Variants in ADH6 observed in about 807,000 individuals in gnomAD.
The protein encoded by ADH6 is alcohol dehydrogenase 6.
In ADH6, 34 loss-of-function variants were observed where a neutral mutation model predicts 36.5. The observed-to-expected ratio is 0.93, with a 90% CI of 0.71 to 1.24. The LOEUF (loss-of-function observed/expected upper bound fraction) is 1.24, where lower values mean the gene tolerates loss of function less well. Ranked by LOEUF, ADH6 falls within the 50% of genes most tolerant of loss-of-function variation. The pLI, the probability that ADH6 is intolerant of heterozygous loss-of-function variation, is 0.00. For missense variants in ADH6, 440 were observed against 447.0 expected (o/e 0.98, Z 0.14); for synonymous variants, 161 against 155.5 (o/e 1.04, Z -0.26).
chr4:99,210,100 A>G lies in ADH6; in HGVS notation c.549T>C (p.Ala183=). The G allele has an allele frequency of 6.2e-7, 1 of 1,613,682 alleles. No individual in the cohort carries two copies. Among genetic ancestry groups the G allele is most frequent in the Non-Finnish European group, 8.5e-7 (1 of 1,179,720 alleles). The change falls in exon 5 of 9, where the codon GCT becomes GCC. Residue 183 remains alanine, a synonymous_variant. Transcript: ENST00000394899. ...CCCTCACCTTGGCAGTATTGATTGCAGCACCAAACCCAGTGGAAAAGCCAC... is the reference window on the plus strand; with the variant it reads ...CCCTCACCTTGGCAGTATTGATTGCGGCACCAAACCCAGTGGAAAAGCCAC... The part of the protein sequence containing the change: ...ISCGFSTGFG[A]AINTAKVTPG...
chr4:99,209,295 G>GTCTCTC (rs149042936), intron 5 of ADH6, among the ~76,000 whole-genome samples: 44 of 147,958 alleles, frequency 3.0e-4, no homozygotes, highest in Non-Finnish European at 5.5e-4. Context: ...ATTTCTCTCT[G>GTCTCTC]TCTCTCTCTC....
In ADH6 at chr4:99,207,621, A is replaced by T. The variant is rs745306708; in HGVS notation, c.829-40T>A. The T allele has an allele frequency of 2.5e-6, 4 of 1,592,326 alleles. No individual in the cohort carries two copies. In the African/African-American group the frequency reaches 4.0e-5, roughly 16 times the overall value. The stretch of plus-strand genomic sequence containing the variant: ...TGCAATACAGTATAGGGGTTAAAAG[A>T]TGTATGTGAGGATTGAGCCTACATC... On this transcript the variant is annotated intron_variant, in intron 6 of 8. Coordinates refer to ENST00000394899, the MANE Select transcript of ADH6 (RefSeq NM_001102470.2).
intron 1 of ADH6, among the ~76,000 whole-genome samples, chr4:99,217,670 G>A (rs1484819017): frequency 6.6e-6 from 1 of 152,128 alleles, no homozygotes; most frequent in Non-Finnish European, 1.5e-5. Flanking sequence ...TAATAGTGCT[G>A]CAATAAACAG....
intron 2 of ADH6, 26 bp downstream of exon 2, chr4:99,216,135 A>ATTTTTTTTTTTT (rs34008565): frequency 2.4e-5 from 21 of 865,278 alleles, no homozygotes; most frequent in South Asian, 8.6e-5. Context: ...TTTTGGTGTG[A>ATTTTTTTTTTTT]TTTTTTTTTT....
chr4:99,205,098 G>C (rs1366332182), intron 7 of ADH6, 35 bp from the exon 8 acceptor site: 1 of 1,531,722 alleles, frequency 6.5e-7, no homozygotes, highest in East Asian at 2.4e-5. Context: ...TTTTACACAT[G>C]AGGCTTCATT....
chr4:99,204,368 GA>G, intron 8 of ADH6, 125 bp from the exon 9 acceptor site: 2 of 1,455,810 alleles, frequency 1.4e-6, no homozygotes, highest in Non-Finnish European at 1.8e-6. Context: ...TGAAAAATGA[GA>G]AGATTAAATA....
At chr4:99,214,755 T>C (rs1357427003) in intron 2 of ADH6, among the ~76,000 whole-genome samples, 3 of 152,202 alleles carry the variant, frequency 2.0e-5, no homozygotes, top group Non-Finnish European at 1.5e-5. Context: ...TGAAATATAT[T>C]GAAATTTGTG....
In ADH6 at chr4:99,213,779, C is replaced by T. The variant is rs188401848; in HGVS notation, c.121-32G>A. On this transcript the variant is annotated intron_variant, in intron 2 of 8. Coordinates refer to ENST00000394899, the MANE Select transcript of ADH6 (RefSeq NM_001102470.2). ...GGAAGGCAAAGGGTACTGCAGTTCCCGCTGTTTCAGATAATGGTGTTTTAG... is the reference window on the plus strand; with the variant it reads ...GGAAGGCAAAGGGTACTGCAGTTCCTGCTGTTTCAGATAATGGTGTTTTAG... 4.1e-5 allele frequency: 62 copies of T among 1,529,652 alleles called. 1 individual carries two copies. The African/African-American group carries it at 4.9e-4, about 12-fold the overall frequency. The allele number at this position is 1,529,652 out of a possible 1,614,324, so 94.8% of individuals were successfully genotyped here.
At position 99,207,509 on chromosome 4, in the gene ADH6, G is replaced by A; in HGVS notation, c.901C>T (p.Gln301Ter). 6.2e-7 allele frequency: 1 copy of A among 1,613,560 alleles called. No homozygotes were observed. Among genetic ancestry groups the A allele is most frequent in the Non-Finnish European group, 8.5e-7 (1 of 1,179,700 alleles). The change falls in exon 7 of 9, where the codon CAA (glutamine) becomes TAA (stop). Residue 301 changes from glutamine to a stop codon, truncating the protein, a stop_gained. Coordinates refer to ENST00000394899, the MANE Select transcript of ADH6 (RefSeq NM_001102470.2). LOFTEE classifies it high-confidence loss of function. ...AACAACTGGCCACTGATTTTGAGTT[G>A]AACACTGGCAGGCAACACCCCAACA... is the stretch of plus-strand genomic sequence containing the variant. ...VVVGVLPASV[Q>*]LKISGQLFFS...
At chr4:99,211,671 T>A (rs1731230120) in intron 3 of ADH6, among the ~76,000 whole-genome samples, 1 of 152,118 alleles carries the variant, frequency 6.6e-6, no homozygotes, top group Non-Finnish European at 1.5e-5. Flanking sequence ...GAGATTATAC[T>A]GAATTATCCA....
intron 7 of ADH6, 98 bp from the exon 8 acceptor site, chr4:99,205,161 A>G (rs1730980850): frequency 1.5e-6 from 2 of 1,328,202 alleles, no homozygotes; most frequent in Non-Finnish European, 2.0e-6. Flanking sequence ...TTTGACTGAG[A>G]AAATCTAAGC....
chr4:99,217,947 G>A (rs1480320058), intron 1 of ADH6, among the ~76,000 whole-genome samples: 1 of 152,118 alleles, frequency 6.6e-6, no homozygotes, highest in Non-Finnish European at 1.5e-5. Flanking sequence ...AGAAGTTGTT[G>A]GTGGCAAGGT....
At position 99,210,456 on chromosome 4, in the gene ADH6, G is replaced by T. The variant is rs1413641187; in HGVS notation, c.309C>A (p.Thr103=). 1.2e-6 allele frequency: 2 copies of T among 1,612,292 alleles called. No individual in the cohort carries two copies. ...AATTGCCCTCAGAATTCAGGCAAGAGGTACATTCTCCACACTGTGGCAGAA... is the reference window on the plus strand; with the variant it reads ...AATTGCCCTCAGAATTCAGGCAAGATGTACATTCTCCACACTGTGGCAGAA... ...TLFLPQCGEC[T]SCLNSEGNFC... Residue 103 remains threonine (T), a synonymous_variant, in exon 4 of 9, where the codon ACC becomes ACA. Transcript: ENST00000394899.
intron 5 of ADH6, among the ~76,000 whole-genome samples, chr4:99,209,670 T>C (rs1457996353): frequency 1.3e-5 from 2 of 152,160 alleles, no homozygotes; most frequent in Admixed American, 1.3e-4. Context: ...CTACCTAATA[T>C]ATCATGCAAT....
intron 2 of ADH6, 81 bp downstream of exon 2, chr4:99,216,080 C>A (rs187162654): frequency 2.0e-5 from 13 of 650,854 alleles, no homozygotes; most frequent in Non-Finnish European, 3.2e-5. Flanking sequence ...GTTGAATATC[C>A]GGATAAGAAT....
chr4:99,218,614 C>T (rs1731532527), intron 1 of ADH6, among the ~76,000 whole-genome samples: 1 of 152,136 alleles, frequency 6.6e-6, no homozygotes, highest in African/African-American at 2.4e-5. Flanking sequence ...ACCTTTCAGC[C>T]CCCAAACATA....
rs1289070884 is a variant in ADH6, at chr4:99,214,229, A to C, written c.121-482T>G. On this transcript the variant is annotated intron_variant, in intron 2 of 8. Transcript: ENST00000394899. The stretch of plus-strand genomic sequence containing the variant: ...AAAATAGTGAGACCTCCATCTCTAC[A>C]ATAAATAAACAAATTAGCCAGGCAT... 5.7e-4 allele frequency among the ~76,000 whole-genome samples: 86 copies of C among 152,158 alleles called. 1 individual carries two copies. The highest frequency in any genetic ancestry group is 8.8e-5 in the Non-Finnish European group (6 of 68,034).
At position 99,202,804 on chromosome 4, in the gene ADH6, A is replaced by G. The variant is rs1344457302; in HGVS notation, c.*1415T>C. 2.5e-6 allele frequency: 1 copy of G among 398,008 alleles called. No homozygotes were observed. Among genetic ancestry groups the G allele is most frequent in the Admixed American group, 4.4e-5 (1 of 22,692 alleles). The allele number at this position is 398,008 out of a possible 1,614,324, so 24.7% of individuals were successfully genotyped here. ...ACAGGAACATGCCTTAGCTGCTGTC[A>G]GGAAATAGAAGAGCAGAGCAGAGTT... On this transcript the variant is annotated 3_prime_UTR_variant, in exon 9 of 9. Transcript: ENST00000394899.
At chr4:99,210,551 A>C in intron 3 of ADH6, 49 bp from the exon 4 acceptor site, 1 of 1,427,402 alleles carries the variant, frequency 7.0e-7, no homozygotes, top group East Asian at 2.3e-5. Context: ...TTTAAAGTAA[A>C]GACATAGCTG....
Sources: allele counts gnomAD v4.1 joint callset (sites outside exome capture counted in the v4.1 genomes callset), GRCh38; gene constraint gnomAD v4.1.1; transcripts MANE v1.5; gene names NCBI Gene and HGNC (gene_info 2026-07-23, HGNC 2026-07-21).